The following HSF1 variants were observed in gnomAD, a reference collection of about 807,000 sequenced individuals.
The protein encoded by HSF1 is heat shock factor protein 1.
HSF1 carries 32 observed loss-of-function variants against 51.7 expected under a neutral mutation model. The ratio of observed to expected loss-of-function variants is 0.62; its 90% CI spans 0.47 to 0.83. The LOEUF (loss-of-function observed/expected upper bound fraction) is 0.83, where lower values mean the gene tolerates loss of function less well. Ranked by LOEUF, HSF1 falls within the 40% of genes least tolerant of loss-of-function variation. HSF1 has a pLI of 0.00. For missense variants in HSF1, 727 were observed against 717.0 expected (o/e 1.01, Z -0.16); for synonymous variants, 396 against 309.7 (o/e 1.28, Z -2.92).
intron 4 of HSF1, chr8:144,310,675 G>A (rs550343923): frequency 1.7e-4 from 30 of 175,464 alleles, no homozygotes; most frequent in Non-Finnish European, 2.8e-4. Context: ...CAGCAGGAGC[G>A]CGGTCATGGC....
At chr8:144,300,839 T>C (rs1273686628) in intron 1 of HSF1, among the ~76,000 whole-genome samples, 1 of 151,630 alleles carries the variant, frequency 6.6e-6, no homozygotes, top group East Asian at 1.9e-4. Flanking sequence ...CTAATGTTCT[T>C]GAGACAACTG....
At position 144,308,947 on chromosome 8, in the gene HSF1, C is replaced by T. The variant is rs781910386; in HGVS notation, c.159C>T (p.Ala53=). Residue 53 remains alanine, a synonymous_variant, in exon 2 of 13, where the codon GCC becomes GCT. Coordinates refer to ENST00000528838, the MANE Select transcript of HSF1 (RefSeq NM_005526.4). The part of the protein sequence containing the change: ...SFHVFDQGQF[A]KEVLPKYFKH... ...ACGTGTTCGACCAGGGCCAGTTTGC[C>T]AAGGAGGTGCTGCCCAAGTACTTCA... 4 of 1,614,148 alleles carry T rather than the reference C, an allele frequency of 2.5e-6. No individual in the cohort carries two copies. The highest frequency in any genetic ancestry group is 3.4e-6 in the Non-Finnish European group (4 of 1,179,984).
chr8:144,308,466 T>C (rs189858754), intron 1 of HSF1, among the ~76,000 whole-genome samples: 1 of 152,254 alleles, frequency 6.6e-6, no homozygotes, highest in Admixed American at 6.5e-5. Context: ...TAGGGCTCCA[T>C]TTCCTTCGCT....
chr8:144,292,910 C>G (rs2130299091), intron 1 of HSF1, among the ~76,000 whole-genome samples: 1 of 152,182 alleles, frequency 6.6e-6, no homozygotes, highest in East Asian at 1.9e-4. Flanking sequence ...TGCACTGAAC[C>G]AAGATCCCGC....
chr8:144,307,039 G>A (rs192188675), intron 1 of HSF1, among the ~76,000 whole-genome samples: 1 of 152,228 alleles, frequency 6.6e-6, no homozygotes, highest in Admixed American at 6.5e-5. Flanking sequence ...GTGAGAGCTC[G>A]GGGCTGGCTC....
chr8:144,304,501 A>C (rs1014801806), intron 1 of HSF1, among the ~76,000 whole-genome samples: 3 of 152,198 alleles, frequency 2.0e-5, no homozygotes, highest in Non-Finnish European at 4.4e-5. Flanking sequence ...GCTGGTCTCC[A>C]ACTCCTGGGC....
At chr8:144,307,648 C>CGCTTG (rs1816310763) in intron 1 of HSF1, among the ~76,000 whole-genome samples, 2,495 of 151,922 alleles carry the variant, frequency 0.016, 59 homozygotes, top group Admixed American at 0.043. Context: ...GCAGGAGAAT[C>CGCTTG]ACTTGAACTC....
chr8:144,314,567 T>C lies in HSF1; in HGVS notation c.*237T>C. The C allele has an allele frequency of 3.5e-6, 2 of 574,510 alleles. No homozygotes were observed. The highest frequency in any genetic ancestry group is 4.5e-5 in the South Asian group (2 of 44,420). 35.6% of individuals were successfully genotyped at this position (574,510 alleles called of 1,614,324 possible). A position where few individuals can be genotyped will look rare whatever the true frequency, so the allele number is the denominator to read the frequency against. On this transcript the variant is annotated 3_prime_UTR_variant, in exon 13 of 13. Transcript: ENST00000528838. ...TTGGTTGGGGCTTCACAGCCACACC[T>C]GGACTGACCCTGCAGGTTGTTCATA... is the stretch of plus-strand genomic sequence containing the variant.
chr8:144,313,455 G>T lies in HSF1; in HGVS notation c.1143-56G>T, dbSNP rs1290576485. 1.8e-5 allele frequency: 20 copies of T among 1,141,904 alleles called. No homozygotes were observed. The Admixed American group carries it at 3.4e-4, about 20-fold the overall frequency. The allele number at this position is 1,141,904 out of a possible 1,614,324, so 70.7% of individuals were successfully genotyped here. On this transcript the variant is annotated intron_variant, in intron 9 of 12. Coordinates refer to ENST00000528838, the MANE Select transcript of HSF1 (RefSeq NM_005526.4). ...AGGGGAGCCCTTCTCCCACAGGAGG[G>T]CATTGGGGTGTGGGGCCTGGGGCAC... is the stretch of plus-strand genomic sequence containing the variant.
At position 144,309,127 on chromosome 8, in the gene HSF1, C is replaced by CA. The variant is rs1816426813; in HGVS notation, c.226+114dup. ...CGGGGCGTCCTGTGCTGGCCAAGGG[C>CA]ATGGCGTGGGACCCTGCAAGCCTGG... is the stretch of plus-strand genomic sequence containing the variant. On this transcript the variant is annotated intron_variant, in intron 2 of 12. Coordinates refer to ENST00000528838, the MANE Select transcript of HSF1 (RefSeq NM_005526.4). 1.6e-5 allele frequency: 14 copies of CA among 871,966 alleles called. 1 individual carries two copies. In the South Asian group the frequency reaches 2.0e-4, roughly 13 times the overall value. 54.0% of individuals were successfully genotyped at this position (871,966 alleles called of 1,614,324 possible).
chr8:144,308,809 C>G (rs1295627037), intron 1 of HSF1, 97 bp from the exon 2 acceptor site: 2 of 987,050 alleles, frequency 2.0e-6, no homozygotes, highest in East Asian at 4.8e-5. Flanking sequence ...GGAACGTGCA[C>G]TGCCTGCGTT....
intron 1 of HSF1, among the ~76,000 whole-genome samples, chr8:144,304,126 C>T (rs1207012525): frequency 8.2e-6 from 1 of 122,518 alleles, no homozygotes; most frequent in Non-Finnish European, 1.7e-5. Flanking sequence ...ATCCAGGAAA[C>T]CTTATTTGGG....
At chr8:144,306,299 A>C (rs1163438955) in intron 1 of HSF1, among the ~76,000 whole-genome samples, 1 of 136,510 alleles carries the variant, frequency 7.3e-6, no homozygotes, top group African/African-American at 2.7e-5. Context: ...TTTCCCGTGT[A>C]TGGGGTATGG....
At chr8:144,304,947 C>CT (rs141886614) in intron 1 of HSF1, among the ~76,000 whole-genome samples, 55,324 of 138,746 alleles carry the variant, frequency 0.4, 11,917 homozygotes, top group East Asian at 0.52. Flanking sequence ...CATTTTAATC[C>CT]TTTTTTTTTT....
In HSF1 at chr8:144,295,432, C is replaced by T. The variant is rs913740912; in HGVS notation, c.117+3558C>T. On this transcript the variant is annotated intron_variant, in intron 1 of 12. Coordinates refer to ENST00000528838, the MANE Select transcript of HSF1 (RefSeq NM_005526.4). ...TGAGGAGCCTGAGAACAAGGCACAG[C>T]CACATGACCTGTGCCAGACAAATGC... is the stretch of plus-strand genomic sequence containing the variant. Among the ~76,000 whole-genome samples, 49 of 152,376 alleles carry T rather than the reference C, an allele frequency of 3.2e-4. 1 individual carries two copies. The highest frequency in any genetic ancestry group is 2.1e-3 in the Admixed American group (32 of 15,308).
At chr8:144,310,827 C>T (rs1245652020) in intron 4 of HSF1, 3 of 354,328 alleles carry the variant, frequency 8.5e-6, no homozygotes, top group Non-Finnish European at 1.6e-5. Flanking sequence ...CTGCTCAGGC[C>T]TTGGAAGGGC....
In HSF1 at chr8:144,309,833, C is replaced by T. The variant is rs142508322; in HGVS notation, c.425C>T (p.Thr142Met). The change falls in exon 4 of 13, where the codon ACG becomes ATG. Residue 142 changes from threonine to methionine, a missense_variant. By Grantham distance (81) the Thr-to-Met change is moderately conservative. This residue lies in a region of HSF1 where 257 missense variants were observed against 318.3 expected (regional missense o/e 0.81). Coordinates refer to ENST00000528838, the MANE Select transcript of HSF1 (RefSeq NM_005526.4). ...IRQDSVTKLL[T>M]DVQLMKGKQE... is the part of the protein sequence containing the mutation. ...CAGGACAGCGTCACCAAGCTGCTGA[C>T]GGACGTGCAGCTGATGAAGGGGAAG... 29 of 1,613,750 alleles carry T rather than the reference C, an allele frequency of 1.8e-5. No individual in the cohort carries two copies. The highest frequency in any genetic ancestry group is 4.0e-5 in the African/African-American group (3 of 74,926).
In HSF1 at chr8:144,299,532, G is replaced by T. The variant is rs376084682; in HGVS notation, c.117+7658G>T. ...ACTTGTCACTGGAGGGGGTCCAGTA[G>T]CAGGCCCAGTTTTGATAGGATTAGC... is the stretch of plus-strand genomic sequence containing the variant. On this transcript the variant is annotated intron_variant, in intron 1 of 12. Transcript: ENST00000528838. Among the ~76,000 whole-genome samples the T allele has an allele frequency of 5.9e-5, 9 of 152,044 alleles. No homozygotes were observed. The East Asian group carries it at 1.4e-3, about 23-fold the overall frequency.
chr8:144,298,290 A>G (rs1482940093), intron 1 of HSF1, among the ~76,000 whole-genome samples: 2 of 152,098 alleles, frequency 1.3e-5, no homozygotes, highest in East Asian at 1.9e-4. Context: ...AAGCCGCTGA[A>G]AATGTTCAGA....
Sources: gnomAD v4.1 joint callset for allele counts (sites outside exome capture counted in the v4.1 genomes callset) on GRCh38, gnomAD v4.1.1 for gene constraint, gnomAD v4.1.1 regional missense constraint, MANE v1.5 for transcripts, NCBI Gene and HGNC (gene_info 2026-07-23, HGNC 2026-07-21) for gene names.